Variants in BNC2 observed in about 807,000 individuals in gnomAD.
BNC2 encodes the protein zinc finger protein basonuclin-2.
In BNC2, 20 loss-of-function variants were observed where a neutral mutation model predicts 76.3. That is an observed-to-expected ratio of 0.26 (90% CI 0.18 to 0.38). BNC2 has a LOEUF of 0.38. BNC2 is among the 10% of genes least tolerant of loss of function. The probability of loss-of-function intolerance (pLI) is 1.00; values close to 1 mark genes in which losing one functional copy is unlikely to be tolerated. For synonymous variants in BNC2, 582 were observed against 514.8 expected, an observed-to-expected ratio of 1.13 and a Z score of -1.77; for missense variants, 1,382 against 1,399.8, an observed-to-expected ratio of 0.99 and a Z score of 0.20.
chr9:16,802,249 G>A (rs1187383397), intron 1 of BNC2, among the ~76,000 whole-genome samples: 2 of 152,126 alleles, frequency 1.3e-5, no homozygotes, highest in Non-Finnish European at 2.9e-5. Context: ...AATTATTGCC[G>A]AGAAACCATT....
intron 5 of BNC2, among the ~76,000 whole-genome samples, chr9:16,514,069 G>A (rs763031709): frequency 2.0e-5 from 3 of 152,078 alleles, no homozygotes; most frequent in Non-Finnish European, 4.4e-5. Context: ...TCTCTGAGAT[G>A]GCAGGATGTC....
intron 1 of BNC2, among the ~76,000 whole-genome samples, chr9:16,743,113 G>C (rs1824897889): frequency 6.6e-6 from 1 of 152,160 alleles, no homozygotes; most frequent in Non-Finnish European, 1.5e-5. Context: ...CATCCTTGGA[G>C]ACAGCTCAGG....
rs147466550 is a variant in BNC2 at position 16,685,115 on chromosome 9, A to C, written c.330+42682T>G. ...AAAGTCTTAGAAGATGAAAGCTAATATTTACTGGGTACCTGTTATGTGCCA... is the reference window on the plus strand; with the variant it reads ...AAAGTCTTAGAAGATGAAAGCTAATCTTTACTGGGTACCTGTTATGTGCCA... On this transcript the variant is annotated intron_variant, in intron 3 of 6. Coordinates refer to ENST00000380672, the MANE Select transcript of BNC2 (RefSeq NM_017637.6). 1.8e-3 allele frequency among the ~76,000 whole-genome samples: 268 copies of C among 152,290 alleles called. 2 individuals carry two copies. The highest frequency in any genetic ancestry group is 0.017 in the Middle Eastern group (5 of 294).
chr9:16,815,887 A>G (rs935623187), intron 1 of BNC2, among the ~76,000 whole-genome samples: 1 of 152,150 alleles, frequency 6.6e-6, no homozygotes, highest in African/African-American at 2.4e-5. Flanking sequence ...ACAATCTCAA[A>G]TTTGGATTTC....
intron 6 of BNC2, among the ~76,000 whole-genome samples, chr9:16,433,584 G>A (rs552130075): frequency 1.3e-5 from 2 of 152,270 alleles, no homozygotes; most frequent in East Asian, 3.9e-4. Context: ...ATCAATAAAT[G>A]TTTTTCCTCA....
At chr9:16,704,617 G>A (rs1823607601) in intron 3 of BNC2, 1 of 147,638 alleles carries the variant, frequency 6.8e-6, no homozygotes, top group African/African-American at 2.5e-5. Flanking sequence ...TTTTAAACTC[G>A]GATCTTCTGC....
intron 1 of BNC2, among the ~76,000 whole-genome samples, chr9:16,835,301 G>A (rs1442035396): frequency 6.6e-6 from 1 of 152,152 alleles, no homozygotes; most frequent in African/African-American, 2.4e-5. Flanking sequence ...CATTTTACAT[G>A]TAGTAAACTC....
At chr9:16,570,551 T>C (rs112208267) in intron 4 of BNC2, among the ~76,000 whole-genome samples, 2,361 of 152,312 alleles carry the variant, frequency 0.016, 50 homozygotes, top group South Asian at 0.1. Context: ...AAAGACCCTA[T>C]GTAAAGATTT....
At chr9:16,759,199 C>G (rs10962569) in intron 1 of BNC2, among the ~76,000 whole-genome samples, 16,782 of 152,154 alleles carry the variant, frequency 0.11, 1,138 homozygotes, top group Admixed American at 0.2. Flanking sequence ...TGATTTCATA[C>G]AAAAAATCGA....
At chr9:16,463,231 T>C (rs1821623330) in intron 5 of BNC2, among the ~76,000 whole-genome samples, 1 of 151,720 alleles carries the variant, frequency 6.6e-6, no homozygotes, top group Non-Finnish European at 1.5e-5. Context: ...GACAACATTT[T>C]GGAAAGTTAA....
intron 4 of BNC2, among the ~76,000 whole-genome samples, chr9:16,569,352 A>G (rs999852091): frequency 2.0e-5 from 3 of 152,064 alleles, no homozygotes; most frequent in African/African-American, 7.2e-5. Flanking sequence ...GTTAAGCCCC[A>G]CTGTCCTACG....
At chr9:16,638,425 A>G (rs974052106) in intron 3 of BNC2, among the ~76,000 whole-genome samples, 1 of 152,148 alleles carries the variant, frequency 6.6e-6, no homozygotes, top group Admixed American at 6.5e-5. Context: ...ATAATTTTAT[A>G]TTTTTTAATA....
chr9:16,835,655 T>C lies in BNC2; in HGVS notation c.3+34991A>G, dbSNP rs967633889. On this transcript the variant is annotated intron_variant, in intron 1 of 6. Coordinates refer to ENST00000380672, the MANE Select transcript of BNC2 (RefSeq NM_017637.6). ...AGGCGGAGGTTGCAGTGAGCAGAGA[T>C]AGCGCCACTGCACTCCAGCCTGGGC... Among the ~76,000 whole-genome samples the C allele has an allele frequency of 7.9e-5, 12 of 152,172 alleles. No homozygotes were observed. The South Asian group carries it at 1.2e-3, about 16-fold the overall frequency.
At chr9:16,847,397 G>GTTTA (rs1586932225) in intron 1 of BNC2, among the ~76,000 whole-genome samples, 1 of 26,882 alleles carries the variant, frequency 3.7e-5, no homozygotes, top group African/African-American at 2.2e-4. Context: ...AAGATTTCTC[G>GTTTA]GGGCGGGGGG....
intron 3 of BNC2, among the ~76,000 whole-genome samples, chr9:16,715,607 G>T (rs992849106): frequency 2.0e-5 from 3 of 152,188 alleles, no homozygotes; most frequent in Admixed American, 2.0e-4. Flanking sequence ...ATAAAAATCT[G>T]GATTTTTGGC....
intron 1 of BNC2, among the ~76,000 whole-genome samples, chr9:16,805,713 GCACACACACA>G (rs57325819): frequency 0.021 from 3,133 of 149,204 alleles, 102 homozygotes; most frequent in African/African-American, 0.072. Flanking sequence ...TTGCATACAT[GCACACACACA>G]CACACACACA....
intron 3 of BNC2, among the ~76,000 whole-genome samples, chr9:16,682,308 A>C (rs1822847949): frequency 6.7e-6 from 1 of 150,336 alleles, no homozygotes; most frequent in Non-Finnish European, 1.5e-5. Flanking sequence ...CCAACATCAT[A>C]GGAATTTAAA....
intron 4 of BNC2, among the ~76,000 whole-genome samples, chr9:16,560,265 T>C (rs1818968769): frequency 6.6e-6 from 1 of 152,194 alleles, no homozygotes; most frequent in South Asian, 2.1e-4. Flanking sequence ...ATCTAAAGAA[T>C]GTAACACTTG....
intron 3 of BNC2, among the ~76,000 whole-genome samples, chr9:16,656,023 C>T (rs1036891367): frequency 6.6e-6 from 1 of 152,128 alleles, no homozygotes; most frequent in Non-Finnish European, 1.5e-5. Context: ...AGGTTTGTCA[C>T]CCAGGAAACA....
Sources: allele counts gnomAD v4.1 joint callset (sites outside exome capture counted in the v4.1 genomes callset), GRCh38; gene constraint gnomAD v4.1.1; transcripts MANE v1.5; gene names NCBI Gene and HGNC (gene_info 2026-07-23, HGNC 2026-07-21).